The following ADAMTS13 variants were observed in gnomAD, a reference collection of about 807,000 sequenced individuals.
ADAMTS13 encodes the protein A disintegrin and metalloproteinase with thrombospondin motifs 13.
Under a neutral mutation model 155.1 loss-of-function variants are expected in ADAMTS13, and 110 were observed. The ratio of observed to expected loss-of-function variants is 0.71; its 90% confidence interval spans 0.61 to 0.83. ADAMTS13 has a LOEUF of 0.83. Among genes scored for constraint, ADAMTS13 ranks in the 40% least tolerant of loss-of-function variants. The pLI, the probability that ADAMTS13 is intolerant of heterozygous loss-of-function variation, is 0.00. For synonymous variants in ADAMTS13, 758 were observed against 756.4 expected (o/e 1.00, Z -0.03); for missense variants, 1,707 against 1,891.7 (o/e 0.90, Z 1.81).
Position 133,440,591 on chromosome 9 carries a change from T to C in ADAMTS13, c.1968+66T>C. 6.8e-7 allele frequency: 1 copy of C among 1,474,320 alleles called. No homozygotes were observed. Among genetic ancestry groups the C allele is most frequent in the Non-Finnish European group, 9.1e-7 (1 of 1,101,964 alleles). The allele number at this position is 1,474,320 out of a possible 1,614,324, so 91.3% of individuals were successfully genotyped here. A position where few individuals can be genotyped will look rare whatever the true frequency, so the allele number is the denominator to read the frequency against. On this transcript the variant is annotated intron_variant, in intron 16 of 28. Transcript: ENST00000355699. This position sits in a 1 kb window ranked among gnomAD's most constrained non-coding sequence, Gnocchi z 4.3. Reference sequence around the variant, plus strand: ...CTTGGGGGCTATGGCTGCTTGCTCGTTTGTCTATCCATCCATTCCCTGATT... The same window carrying C: ...CTTGGGGGCTATGGCTGCTTGCTCGCTTGTCTATCCATCCATTCCCTGATT...
At chr9:133,427,083 G>A (rs929986209) in intron 6 of ADAMTS13, among the ~76,000 whole-genome samples, 6 of 152,212 alleles carry the variant, frequency 3.9e-5, no homozygotes, top group African/African-American at 1.2e-4. Context: ...GATTACAGGC[G>A]TGAGCCACTG....
At chr9:133,417,643 G>C (rs782282532), upstream of ADAMTS13, 1 of 1,613,918 alleles carries the variant, frequency 6.2e-7, no homozygotes, top group East Asian at 2.2e-5. Flanking sequence ...TTCCAGTTTT[G>C]AGAAAAGTCT....
In ADAMTS13 at chr9:133,454,692, G is replaced by T; in HGVS notation, c.3249+73G>T. 14 of 1,487,116 alleles carry T rather than the reference G, an allele frequency of 9.4e-6. No individual in the cohort carries two copies. The South Asian group carries it at 1.7e-4, about 18-fold the overall frequency. 92.1% of individuals were successfully genotyped at this position (1,487,116 alleles called of 1,614,324 possible). On this transcript the variant is annotated intron_variant, in intron 24 of 28. Coordinates refer to ENST00000355699, the MANE Select transcript of ADAMTS13 (RefSeq NM_139027.6). ...CAGCTGTGGCTCCTCATGTGTGAGG[G>T]AGTCTAGGAGGCATTGGCTCATCGT...
rs1281074748 is a variant in ADAMTS13, at chr9:133,456,988, G to T, written c.3724+269G>T. On this transcript the variant is annotated intron_variant, in intron 27 of 28. Transcript: ENST00000355699. The surrounding 1 kb of genome is among the most constrained non-coding windows in gnomAD (Gnocchi z 4.4). ...GTCCACATCCTCAGTCAGTCCCTCA[G>T]GCCTCTGCCCCACACCCACCTGCCC... 3.4e-6 allele frequency: 2 copies of T among 583,966 alleles called. No individual in the cohort carries two copies. Among genetic ancestry groups the T allele is most frequent in the Non-Finnish European group, 6.4e-6 (2 of 314,314 alleles). The allele number at this position is 583,966 out of a possible 1,614,324, so 36.2% of individuals were successfully genotyped here. A position where few individuals can be genotyped will look rare whatever the true frequency, so the allele number is the denominator to read the frequency against.
chr9:133,448,420 T>C (rs1842213492), intron 21 of ADAMTS13, among the ~76,000 whole-genome samples, 179 bp from the exon 22 acceptor site: 1 of 152,264 alleles, frequency 6.6e-6, no homozygotes, highest in Non-Finnish European at 1.5e-5. Flanking sequence ...TTATCTTTTT[T>C]TCTAAATCTA....
chr9:133,430,895 C>T (rs1447708765), intron 8 of ADAMTS13, among the ~76,000 whole-genome samples: 2 of 152,070 alleles, frequency 1.3e-5, no homozygotes, highest in Non-Finnish European at 1.5e-5. Flanking sequence ...CTCCTGACCT[C>T]GTGATCCGCC....
rs933446066 is a variant in ADAMTS13 at position 133,440,488 on chromosome 9, G to GC, written c.1932dup (p.Ile645HisfsTer10). On this transcript the variant is annotated frameshift_variant, in exon 16 of 29. Transcript: ENST00000355699. LOFTEE classifies it high-confidence loss of function. This position sits in a 1 kb window ranked among gnomAD's most constrained non-coding sequence, Gnocchi z 4.3. The stretch of plus-strand genomic sequence containing the variant: ...CGGCTGCCCCGCCTGGAGGAGATCC[G>GC]CATCTGGGGACCCCTCCAGGAAGAT... 6.2e-7 allele frequency: 1 copy of GC among 1,611,956 alleles called. No individual in the cohort carries two copies. The highest frequency in any genetic ancestry group is 1.3e-5 in the African/African-American group (1 of 74,862).
At chr9:133,414,439 C>T (rs1484201101) in exon 1 of ADAMTS13, 4 of 694,026 alleles carry the variant, frequency 5.8e-6, no homozygotes, top group Non-Finnish European at 1.0e-5. Context: ...CGTGTACTGG[C>T]ACCCACTAAA....
chr9:133,443,416 G>C lies in ADAMTS13; in HGVS notation c.2275G>C (p.Gly759Arg), dbSNP rs782640568. The change falls in exon 19 of 29, where the codon GGG (glycine) becomes CGG (arginine). Residue 759 changes from glycine to arginine, a missense_variant. Coordinates refer to ENST00000355699, the MANE Select transcript of ADAMTS13 (RefSeq NM_139027.6). ...CTTCGGCCCATGCAGCGCCTCCTGTGGGGGTGGCCTGCGGGAGCGGCCAGT... is the reference window on the plus strand; with the variant it reads ...CTTCGGCCCATGCAGCGCCTCCTGTCGGGGTGGCCTGCGGGAGCGGCCAGT... Reference protein sequence around the residue: ...GDFGPCSASCGGGLRERPVRC... With the variant: ...GDFGPCSASCRGGLRERPVRC... The C allele has an allele frequency of 1.3e-6, 2 of 1,599,176 alleles. No homozygotes were observed. The highest frequency in any genetic ancestry group is 1.7e-6 in the Non-Finnish European group (2 of 1,177,720).
intron 25 of ADAMTS13, chr9:133,455,702 G>T: frequency 1.3e-6 from 2 of 1,492,906 alleles, no homozygotes. Context: ...TTGGTCCCTG[G>T]GTTGTGTGCC....
rs781946979 is a variant in ADAMTS13, at chr9:133,445,646, G to A, written c.2611-53G>A. 23 of 1,611,556 alleles carry A rather than the reference G, an allele frequency of 1.4e-5. No homozygotes were observed. The highest frequency in any genetic ancestry group is 1.8e-4 in the Middle Eastern group (1 of 5,432). On this transcript the variant is annotated intron_variant, in intron 20 of 28. Coordinates refer to ENST00000355699, the MANE Select transcript of ADAMTS13 (RefSeq NM_139027.6). The surrounding 1 kb of genome is among the most constrained non-coding windows in gnomAD (Gnocchi z 5.0). The stretch of plus-strand genomic sequence containing the variant: ...GCCTGAGAAGATCGAGACGGGGATC[G>A]CTGGGTCCTCAGAGGAGGCCCAGAC...
Position 133,425,435 on chromosome 9 carries a change from C to A in ADAMTS13, c.331-94C>A. The A allele has an allele frequency of 9.2e-7, 1 of 1,089,040 alleles. No homozygotes were observed. The highest frequency in any genetic ancestry group is 1.4e-6 in the Non-Finnish European group (1 of 738,064). The allele number at this position is 1,089,040 out of a possible 1,614,324, so 67.5% of individuals were successfully genotyped here. On this transcript the variant is annotated intron_variant, in intron 3 of 28. Coordinates refer to ENST00000355699, the MANE Select transcript of ADAMTS13 (RefSeq NM_139027.6). This position sits in a 1 kb window ranked among gnomAD's most constrained non-coding sequence, Gnocchi z 4.6. ...CATGCTGGTGGAGTAGCCTCTCCAG[C>A]TCTTCACACTCCGGGGGCCCCTGGG...
At chr9:133,419,136 G>T (rs1470955388), upstream of ADAMTS13, among the ~76,000 whole-genome samples, 1 of 152,128 alleles carries the variant, frequency 6.6e-6, no homozygotes, top group African/African-American at 2.4e-5. Context: ...CACCGTGCCC[G>T]GCCGGGAGTG....
chr9:133,417,676 C>A, upstream of ADAMTS13: 1 of 1,614,132 alleles, frequency 6.2e-7, no homozygotes, highest in Non-Finnish European at 8.5e-7. Context: ...GGAGGTCGCA[C>A]CACAGCACCG....
intron 25 of ADAMTS13, chr9:133,455,729 G>T: frequency 7.7e-7 from 1 of 1,302,112 alleles, no homozygotes. Context: ...GCCGGGATCA[G>T]GGCTGGCCCT....
At chr9:133,442,347 C>G (rs956629064) in intron 16 of ADAMTS13, 52 bp from the exon 17 acceptor site, 14 of 1,613,262 alleles carry the variant, frequency 8.7e-6, no homozygotes, top group Non-Finnish European at 1.1e-5. Context: ...GTGGCCATGA[C>G]AGTGACCCTC....
rs368634068 is a variant in ADAMTS13, at chr9:133,455,548, G to C, written c.3400+113G>C. The C allele has an allele frequency of 2.5e-6, 4 of 1,609,918 alleles. No homozygotes were observed. The South Asian group carries it at 3.3e-5, about 13-fold the overall frequency. On this transcript the variant is annotated intron_variant, in intron 25 of 28. Coordinates refer to ENST00000355699, the MANE Select transcript of ADAMTS13 (RefSeq NM_139027.6). ...AGGCCCGGGGCCTGCTCTTCTCCCC[G>C]GCTCCCCAGCCTCGGCGGCTCCTGC...
chr9:133,439,338 G>A (rs782733458), intron 14 of ADAMTS13, 28 bp from the exon 15 acceptor site: 22 of 1,538,008 alleles, frequency 1.4e-5, no homozygotes, highest in Admixed American at 6.7e-5. Context: ...TGAGGTCCAC[G>A]CATCTCTCCT....
intron 1 of ADAMTS13, chr9:133,414,853 G>C (rs782094396): frequency 6.2e-7 from 1 of 1,614,166 alleles, no homozygotes; most frequent in South Asian, 1.1e-5. Flanking sequence ...CAGAGCCCCT[G>C]CTGGCCTCCT....
Sources: allele counts gnomAD v4.1 joint callset (sites outside exome capture counted in the v4.1 genomes callset), GRCh38; gene constraint gnomAD v4.1.1; non-coding constraint Gnocchi (gnomAD v3.1); transcripts MANE v1.5; gene names NCBI Gene and HGNC (gene_info 2026-07-23, HGNC 2026-07-21).